NUBPL: variants seen among roughly 807,000 people sequenced by gnomAD.
NUBPL encodes the protein iron-sulfur cluster transfer protein NUBPL.
In NUBPL, 31 loss-of-function variants were observed where a neutral mutation model predicts 45.7. That is an observed-to-expected ratio of 0.68 (90% CI 0.51 to 0.92). NUBPL has a LOEUF of 0.92. Ranked by LOEUF, NUBPL falls within the 40% of genes least tolerant of loss-of-function variation. NUBPL has a pLI of 0.00. For synonymous variants in NUBPL, 144 were observed against 140.9 expected (o/e 1.02, Z -0.15); for missense variants, 401 against 398.7 (o/e 1.01, Z -0.05).
chr14:31,653,374 C>T (rs939444806), intron 4 of NUBPL, among the ~76,000 whole-genome samples: 1 of 152,140 alleles, frequency 6.6e-6, no homozygotes, highest in African/African-American at 2.4e-5. Flanking sequence ...AAGACAGACA[C>T]TCCCAGAGCA....
chr14:31,669,797 GT>G (rs1211411877), intron 4 of NUBPL, among the ~76,000 whole-genome samples: 2 of 68,610 alleles, frequency 2.9e-5, no homozygotes, highest in Admixed American at 2.6e-4. Context: ...CATGATCTTG[GT>G]TTTTTTTTTT....
At chr14:31,600,078 C>T (rs752899337) in intron 4 of NUBPL, among the ~76,000 whole-genome samples, 5 of 151,772 alleles carry the variant, frequency 3.3e-5, no homozygotes, top group Admixed American at 6.6e-5. Flanking sequence ...CACGCCACCA[C>T]GCCCAGCTAA....
chr14:31,628,503 A>G (rs1465189850), intron 4 of NUBPL, among the ~76,000 whole-genome samples: 1 of 152,220 alleles, frequency 6.6e-6, no homozygotes, highest in Non-Finnish European at 1.5e-5. Flanking sequence ...AAGGTTTTCT[A>G]AAAAAGTCTA....
rs1242041178 is a variant in NUBPL, at chr14:31,797,671, G to A, written c.607+9798G>A. 9.4e-3 allele frequency among the ~76,000 whole-genome samples: 1,232 copies of A among 131,046 alleles called. 76 individuals carry two copies. Among genetic ancestry groups the A allele is most frequent in the Admixed American group, 0.086 (1,106 of 12,890 alleles). The allele number at this position is 131,046 out of a possible 152,430, so 86.0% of individuals were successfully genotyped here. A position where few individuals can be genotyped will look rare whatever the true frequency, so the allele number is the denominator to read the frequency against. On this transcript the variant is annotated intron_variant, in intron 7 of 10. Coordinates refer to ENST00000281081, the MANE Select transcript of NUBPL (RefSeq NM_025152.3). ...TTTCCTGAATACAGCACACTGATGG[G>A]TCTTGACTCTTTATCCAACTTGCCA...
chr14:31,593,513 C>CAAAAAAAA (rs34026301), intron 3 of NUBPL, among the ~76,000 whole-genome samples: 1 of 75,186 alleles, frequency 1.3e-5, no homozygotes, highest in Non-Finnish European at 2.2e-5. Context: ...GCTTCCGTCT[C>CAAAAAAAA]AAAAAAAAAA....
chr14:31,757,297 T>C lies in NUBPL; in HGVS notation c.514-30483T>C, dbSNP rs2038690098. On this transcript the variant is annotated intron_variant, in intron 6 of 10. Coordinates refer to ENST00000281081, the MANE Select transcript of NUBPL (RefSeq NM_025152.3). ...AATGGTACCAGTTCCTTCTTGTACC[T>C]CTGGTAGAATTCGGCTGTGAATCCA... is the stretch of plus-strand genomic sequence containing the variant. 3.3e-5 allele frequency among the ~76,000 whole-genome samples: 5 copies of C among 150,502 alleles called. No homozygotes were observed. In the South Asian group the frequency reaches 1.1e-3, roughly 32 times the overall value.
chr14:31,688,652 G>GTTTTTTTTTTTT (rs552419842), intron 6 of NUBPL, among the ~76,000 whole-genome samples: 6 of 99,138 alleles, frequency 6.1e-5, no homozygotes, highest in African/African-American at 2.4e-4. Context: ...ACAGGTTTTT[G>GTTTTTTTTTTTT]TTGTTGTTTT....
intron 6 of NUBPL, among the ~76,000 whole-genome samples, chr14:31,757,908 A>G (rs1228034842): frequency 6.6e-6 from 1 of 151,812 alleles, no homozygotes; most frequent in Admixed American, 6.6e-5. Context: ...CCTTTTTTTC[A>G]GATATACCAA....
At chr14:31,712,363 C>T (rs1332307929) in intron 6 of NUBPL, among the ~76,000 whole-genome samples, 1 of 152,256 alleles carries the variant, frequency 6.6e-6, no homozygotes, top group Non-Finnish European at 1.5e-5. Context: ...AGCCCCGGCA[C>T]TCTGGCAGCC....
intron 7 of NUBPL, among the ~76,000 whole-genome samples, chr14:31,821,414 T>C (rs2040016694): frequency 6.6e-6 from 1 of 152,294 alleles, no homozygotes; most frequent in Admixed American, 6.5e-5. Context: ...AGTCATACAG[T>C]GGCAAACAGA....
intron 6 of NUBPL, among the ~76,000 whole-genome samples, chr14:31,679,017 C>G (rs2036766567): frequency 6.6e-6 from 1 of 152,162 alleles, no homozygotes; most frequent in Admixed American, 6.5e-5. Flanking sequence ...TATGCTTCCT[C>G]TGTGTGCAGG....
intron 4 of NUBPL, among the ~76,000 whole-genome samples, chr14:31,672,663 A>G (rs936917276): frequency 1.3e-5 from 2 of 152,028 alleles, no homozygotes; most frequent in Admixed American, 1.3e-4. Flanking sequence ...GCATTTTACC[A>G]TGTTGGCCAG....
At chr14:31,752,209 A>G (rs1269821562) in intron 6 of NUBPL, among the ~76,000 whole-genome samples, 1 of 152,158 alleles carries the variant, frequency 6.6e-6, no homozygotes, top group Non-Finnish European at 1.5e-5. Flanking sequence ...ATTTTTCCCT[A>G]AAAAATGGGT....
chr14:31,849,271 T>G (rs955901759), intron 9 of NUBPL, among the ~76,000 whole-genome samples: 1 of 152,198 alleles, frequency 6.6e-6, no homozygotes, highest in African/African-American at 2.4e-5. Flanking sequence ...TTTTAATAAC[T>G]TTTGCATGGA....
intron 7 of NUBPL, among the ~76,000 whole-genome samples, chr14:31,818,218 A>G (rs2039955808): frequency 6.6e-6 from 1 of 152,202 alleles, no homozygotes; most frequent in Non-Finnish European, 1.5e-5. Flanking sequence ...GGGAGACTTT[A>G]GCACCCCACT....
rs151044254 is a variant in NUBPL at position 31,684,007 on chromosome 14, A to G, written c.513+10433A>G. On this transcript the variant is annotated intron_variant, in intron 6 of 10. Transcript: ENST00000281081. The stretch of plus-strand genomic sequence containing the variant: ...TCTGGCAGTTTTCATAATTTCCTTG[A>G]TATCTTTGGGTCATTTTTCTTGCCT... 6.2e-4 allele frequency among the ~76,000 whole-genome samples: 94 copies of G among 152,132 alleles called. No homozygotes were observed. The East Asian group carries it at 0.014, about 23-fold the overall frequency.
chr14:31,605,098 C>G (rs887320570), intron 4 of NUBPL, among the ~76,000 whole-genome samples: 2 of 152,120 alleles, frequency 1.3e-5, no homozygotes, highest in Non-Finnish European at 2.9e-5. Flanking sequence ...TTTTAAAGAA[C>G]AAATGCCAAT....
intron 3 of NUBPL, among the ~76,000 whole-genome samples, chr14:31,587,448 G>A (rs77288145): frequency 0.047 from 7,148 of 152,276 alleles, 209 homozygotes; most frequent in Admixed American, 0.066. Flanking sequence ...CGCCTGGCAC[G>A]TAGTGAGCAT....
chr14:31,839,614 A>G (rs1179052937), intron 8 of NUBPL, among the ~76,000 whole-genome samples: 3 of 152,246 alleles, frequency 2.0e-5, no homozygotes, highest in African/African-American at 7.2e-5. Context: ...ACATCAAACT[A>G]AAAAGCTTCT....
Sources: allele counts gnomAD v4.1 joint callset (sites outside exome capture counted in the v4.1 genomes callset), GRCh38; gene constraint gnomAD v4.1.1; transcripts MANE v1.5; gene names NCBI Gene and HGNC (gene_info 2026-07-23, HGNC 2026-07-21).